The following AUTS2 variants were observed in gnomAD, a reference collection of about 807,000 sequenced individuals.
AUTS2 encodes the protein autism susceptibility gene 2 protein.
A neutral mutation model predicts 112.4 loss-of-function variants in AUTS2; 17 were observed. That is an observed-to-expected ratio of 0.15 (90% CI 0.10 to 0.23). The LOEUF (loss-of-function observed/expected upper bound fraction) is 0.23. Among genes scored for constraint, AUTS2 ranks in the 10% least tolerant of loss-of-function variants. The pLI, the probability that AUTS2 is intolerant of heterozygous loss-of-function variation, is 1.00. For missense variants in AUTS2, 1,510 were observed against 1,701.6 expected (o/e 0.89, Z 1.98); for synonymous variants, 751 against 702.7 (o/e 1.07, Z -1.09).
intron 5 of AUTS2, chr7:70,436,474 A>C (rs1048439514): frequency 1.3e-5 from 2 of 152,250 alleles, no homozygotes; most frequent in Non-Finnish European, 2.9e-5. Flanking sequence ...TGCTGCCTGA[A>C]GCAAAGGGAT....
chr7:69,754,619 A>C lies in AUTS2; in HGVS notation c.310-144667A>C, dbSNP rs182816779. Among the ~76,000 whole-genome samples, 19 of 152,234 alleles carry C rather than the reference A, an allele frequency of 1.2e-4. No individual in the cohort carries two copies. In the East Asian group the frequency reaches 2.3e-3, roughly 19 times the overall value. On this transcript the variant is annotated intron_variant, in intron 1 of 18. Coordinates refer to ENST00000342771, the MANE Select transcript of AUTS2 (RefSeq NM_015570.4). ...TTCAGATGGGGATTGTGTGGGGCCT[A>C]TTTAGGTCATCTCCAGTGCAGGTGC... is the stretch of plus-strand genomic sequence containing the variant.
chr7:70,550,934 A>T (rs544627243), intron 5 of AUTS2, among the ~76,000 whole-genome samples: 2 of 152,252 alleles, frequency 1.3e-5, no homozygotes, highest in Admixed American at 6.5e-5. Context: ...TTGCTTCTGG[A>T]ACTCAGGCAG....
At chr7:70,564,807 T>C (rs948373298) in intron 5 of AUTS2, among the ~76,000 whole-genome samples, 1 of 152,086 alleles carries the variant, frequency 6.6e-6, no homozygotes, top group African/African-American at 2.4e-5. Context: ...TTTTAAATAT[T>C]AAAAAAATTA....
chr7:70,006,704 A>G (rs956022268), intron 2 of AUTS2, among the ~76,000 whole-genome samples: 1 of 152,128 alleles, frequency 6.6e-6, no homozygotes, highest in Non-Finnish European at 1.5e-5. Flanking sequence ...CAATGATCAC[A>G]TGCCCTGATA....
At position 70,768,071 on chromosome 7, in the gene AUTS2, G is replaced by T; in HGVS notation, c.1734+3G>T. 6.2e-7 allele frequency: 1 copy of T among 1,601,932 alleles called. No individual in the cohort carries two copies. Among genetic ancestry groups the T allele is most frequent in the Non-Finnish European group, 8.5e-7 (1 of 1,175,570 alleles). The stretch of plus-strand genomic sequence containing the variant: ...TTGACCCATTCTACCGGCACAGTGT[G>T]AGTTTCATTACCATGCTACACATTG... On this transcript the variant is annotated splice_donor_region_variant and intron_variant, in intron 10 of 18. Coordinates refer to ENST00000342771, the MANE Select transcript of AUTS2 (RefSeq NM_015570.4).
intron 5 of AUTS2, among the ~76,000 whole-genome samples, chr7:70,518,509 C>T (rs1038193409): frequency 6.6e-6 from 1 of 151,924 alleles, no homozygotes; most frequent in African/African-American, 2.4e-5. Context: ...GGTGAAACCC[C>T]GTCTCTACTA....
At chr7:70,277,976 G>T (rs1788017097) in intron 4 of AUTS2, among the ~76,000 whole-genome samples, 1 of 151,824 alleles carries the variant, frequency 6.6e-6, no homozygotes, top group Non-Finnish European at 1.5e-5. Context: ...GTGTGTGTGT[G>T]TGTGTGTATG....
chr7:70,708,799 A>G (rs914371214), intron 6 of AUTS2, among the ~76,000 whole-genome samples: 7 of 152,190 alleles, frequency 4.6e-5, no homozygotes, highest in African/African-American at 1.7e-4. Flanking sequence ...TGCTATTGTT[A>G]TATGAGTTAA....
At chr7:69,600,538 CT>C (rs370612172) in intron 1 of AUTS2, among the ~76,000 whole-genome samples, 3,132 of 85,542 alleles carry the variant, frequency 0.037, 91 homozygotes, top group African/African-American at 0.077. Flanking sequence ...CCCCCATATT[CT>C]TTTTTTTTTT....
chr7:69,742,104 AT>A (rs1787292777), intron 1 of AUTS2, among the ~76,000 whole-genome samples: 1 of 120,978 alleles, frequency 8.3e-6, no homozygotes, highest in Non-Finnish European at 1.7e-5. Context: ...TGCCCAGCCT[AT>A]TTTACCTTTT....
At chr7:70,247,420 A>C (rs1314050810) in intron 4 of AUTS2, among the ~76,000 whole-genome samples, 2 of 152,150 alleles carry the variant, frequency 1.3e-5, no homozygotes, top group African/African-American at 4.8e-5. Flanking sequence ...TGGGAAGATG[A>C]AAAAATTTCT....
chr7:70,036,981 C>T (rs765337983), intron 2 of AUTS2, among the ~76,000 whole-genome samples: 10 of 152,214 alleles, frequency 6.6e-5, no homozygotes, highest in East Asian at 1.9e-4. Flanking sequence ...TCATTTTGAA[C>T]TCAGTCCTGG....
rs1809468927 is a variant in AUTS2 at position 70,701,669 on chromosome 7, A to C, written c.742+3049A>C. Among the ~76,000 whole-genome samples the C allele has an allele frequency of 2.0e-5, 3 of 152,312 alleles. No individual in the cohort carries two copies. In the South Asian group the frequency reaches 6.2e-4, roughly 32 times the overall value. On this transcript the variant is annotated intron_variant, in intron 6 of 18. Coordinates refer to ENST00000342771, the MANE Select transcript of AUTS2 (RefSeq NM_015570.4). The stretch of plus-strand genomic sequence containing the variant: ...CAGCACATGCTTGCATGTACACACA[A>C]CATGCCTAATGAGGACTGAGCATTT...
Position 69,891,940 on chromosome 7 carries a change from A to G in AUTS2, c.310-7346A>G, listed in dbSNP as rs77605360. On this transcript the variant is annotated intron_variant, in intron 1 of 18. Coordinates refer to ENST00000342771, the MANE Select transcript of AUTS2 (RefSeq NM_015570.4). ...TCCGAGTAGCTGGGATTACAGGTGC[A>G]TGCCACCATGCCCAGCTAATTTTTT... Among the ~76,000 whole-genome samples, 4 of 148,044 alleles carry G rather than the reference A, an allele frequency of 2.7e-5. No homozygotes were observed. In the Admixed American group the frequency reaches 2.7e-4, roughly 10 times the overall value.
chr7:70,451,413 G>A (rs924925104), intron 5 of AUTS2, among the ~76,000 whole-genome samples: 4 of 151,732 alleles, frequency 2.6e-5, no homozygotes, highest in South Asian at 2.1e-4. Flanking sequence ...TATATTAATC[G>A]TAGCACTTGA....
chr7:70,277,140 G>A (rs1483281865), intron 4 of AUTS2, among the ~76,000 whole-genome samples: 3 of 152,146 alleles, frequency 2.0e-5, no homozygotes, highest in Non-Finnish European at 4.4e-5. Flanking sequence ...GGAGTTTGAT[G>A]GACTCCTAGG....
intron 2 of AUTS2, among the ~76,000 whole-genome samples, chr7:69,916,194 A>G (rs1448366570): frequency 6.6e-6 from 1 of 152,252 alleles, no homozygotes; most frequent in Non-Finnish European, 1.5e-5. Flanking sequence ...CCTGTTTGTT[A>G]GGAAGTGTTA....
chr7:69,614,368 T>TTTC, intron 1 of AUTS2, among the ~76,000 whole-genome samples: 2 of 19,532 alleles, frequency 1.0e-4, no homozygotes, highest in African/African-American at 1.9e-4. Flanking sequence ...TTCTTTCTTT[T>TTTC]TTTAAGAGAT....
chr7:70,254,145 G>A (rs908996077), intron 4 of AUTS2, among the ~76,000 whole-genome samples: 20 of 151,998 alleles, frequency 1.3e-4, no homozygotes, highest in African/African-American at 4.8e-4. Flanking sequence ...CGTTTTCAGT[G>A]GAAGTATCAG....
Sources: allele counts gnomAD v4.1 joint callset (sites outside exome capture counted in the v4.1 genomes callset), GRCh38; gene constraint gnomAD v4.1.1; transcripts MANE v1.5; gene names NCBI Gene and HGNC (gene_info 2026-07-23, HGNC 2026-07-21).